The following TMEM183A variants were observed in gnomAD, a reference collection of about 807,000 sequenced individuals.
TMEM183A encodes transmembrane protein 183A, also known as chromosome 1 open reading frame 37.
In TMEM183A, 21 loss-of-function variants were observed where a neutral mutation model predicts 46.7. The observed-to-expected ratio is 0.45, with a 90% CI of 0.32 to 0.65. The LOEUF (loss-of-function observed/expected upper bound fraction) is 0.65, where lower values mean the gene tolerates loss of function less well. Among genes scored for constraint, TMEM183A ranks in the 30% least tolerant of loss-of-function variants. The pLI is 0.04. For missense variants in TMEM183A, 331 were observed against 481.9 expected (o/e 0.69, Z 2.93); for synonymous variants, 165 against 180.2 (o/e 0.92, Z 0.68).
intron 3 of TMEM183A, among the ~76,000 whole-genome samples, chr1:203,009,246 A>G (rs1019162996): frequency 1.3e-5 from 2 of 152,350 alleles, no homozygotes; most frequent in African/African-American, 2.4e-5. Context: ...AAACATAGAC[A>G]TTATCGTGGG....
At chr1:203,008,470 TTGTA>T (rs1656207927) in intron 2 of TMEM183A, among the ~76,000 whole-genome samples, 169 bp from the exon 3 acceptor site, 1 of 94,932 alleles carries the variant, frequency 1.1e-5, no homozygotes, top group Non-Finnish European at 2.4e-5. Flanking sequence ...TTTTTTTTTT[TTGTA>T]TTTAAAATAC....
At chr1:203,012,150 A>T (rs2796184) in intron 3 of TMEM183A, among the ~76,000 whole-genome samples, 5,473 of 41,544 alleles carry the variant, frequency 0.13, 430 homozygotes, top group Non-Finnish European at 0.17. Context: ...CCACTCCATC[A>T]CACACACACA....
At chr1:203,018,627 C>T in intron 6 of TMEM183A, 66 bp downstream of exon 6, 1 of 1,541,100 alleles carries the variant, frequency 6.5e-7, no homozygotes, top group Non-Finnish European at 8.9e-7. Flanking sequence ...AGATATCTTT[C>T]TTAGTCTGTT....
chr1:203,010,170 A>T (rs574769173), intron 3 of TMEM183A, among the ~76,000 whole-genome samples: 76 of 152,070 alleles, frequency 5.0e-4, no homozygotes, highest in African/African-American at 1.8e-3. Flanking sequence ...ATAGTAAATG[A>T]TGTATGTATT....
In TMEM183A at chr1:203,024,768, G is replaced by GCAGGAGT. The variant is rs1658051102; in HGVS notation, c.*1729_*1735dup. On this transcript the variant is annotated 3_prime_UTR_variant, in exon 8 of 8. Coordinates refer to ENST00000367242, the MANE Select transcript of TMEM183A (RefSeq NM_138391.6). ...TTGCCTGAACTAAAGATGCCATGGA[G>GCAGGAGT]CAGGAGTGTCTTGGTGCATTGTTCC... is the stretch of plus-strand genomic sequence containing the variant. 6.6e-6 allele frequency: 1 copy of GCAGGAGT among 152,218 alleles called. No homozygotes were observed. 9.4% of individuals were successfully genotyped at this position (152,218 alleles called of 1,614,324 possible).
intron 3 of TMEM183A, 109 bp downstream of exon 3, chr1:203,008,919 G>GT: frequency 3.3e-6 from 4 of 1,206,734 alleles, no homozygotes; most frequent in Non-Finnish European, 4.3e-6. Flanking sequence ...TACCAGGAGA[G>GT]TTTAAAGAAA....
At chr1:203,014,576 C>G (rs1031673970) in intron 3 of TMEM183A, among the ~76,000 whole-genome samples, 3 of 152,032 alleles carry the variant, frequency 2.0e-5, no homozygotes. Context: ...GCATTCTAGC[C>G]TGGGCACCAC....
At position 203,007,583 on chromosome 1, in the gene TMEM183A, G is replaced by A. The variant is rs746215832; in HGVS notation, c.109+9G>A. 9.7e-6 allele frequency: 15 copies of A among 1,541,266 alleles called. No homozygotes were observed. Among genetic ancestry groups the A allele is most frequent in the South Asian group, 4.7e-5 (4 of 84,934 alleles). The stretch of plus-strand genomic sequence containing the variant: ...CGCCTGCTCCGGCCGAGGTGGGCGA[G>A]GGGGGCAGGGGCGCTGAAACATTTT... On this transcript the variant is annotated intron_variant, in intron 1 of 7. Coordinates refer to ENST00000367242, the MANE Select transcript of TMEM183A (RefSeq NM_138391.6).
At position 203,007,592 on chromosome 1, in the gene TMEM183A, G is replaced by T; in HGVS notation, c.109+18G>T. ...CGGCCGAGGTGGGCGAGGGGGGCAG[G>T]GGCGCTGAAACATTTTGGGGGCTGG... On this transcript the variant is annotated intron_variant, in intron 1 of 7. Transcript: ENST00000367242. The T allele has an allele frequency of 2.6e-6, 4 of 1,539,506 alleles. No homozygotes were observed. Among genetic ancestry groups the T allele is most frequent in the South Asian group, 1.2e-5 (1 of 84,842 alleles).
chr1:203,017,737 C>T, intron 5 of TMEM183A: 2 of 985,822 alleles, frequency 2.0e-6, no homozygotes, highest in Non-Finnish European at 2.4e-6. Flanking sequence ...TATTTGATTC[C>T]CCCTCTCTCT....
intron 6 of TMEM183A, among the ~76,000 whole-genome samples, chr1:203,019,458 G>C (rs529559293): frequency 6.6e-6 from 1 of 152,126 alleles, no homozygotes; most frequent in East Asian, 1.9e-4. Context: ...TTTCTTATGG[G>C]TGATAATGAT....
chr1:203,015,601 G>A (rs1407967589), intron 4 of TMEM183A: 2 of 244,818 alleles, frequency 8.2e-6, no homozygotes, highest in African/African-American at 2.3e-5. Context: ...GTAGAAAGGA[G>A]TGGAGAACTC....
rs935553882 is a variant in TMEM183A, at chr1:203,022,708, A to C, written c.946-147A>C. 9 of 1,235,402 alleles carry C rather than the reference A, an allele frequency of 7.3e-6. No individual in the cohort carries two copies. In the African/African-American group the frequency reaches 1.1e-4, roughly 15 times the overall value. 76.5% of individuals were successfully genotyped at this position (1,235,402 alleles called of 1,614,324 possible). A position where few individuals can be genotyped will look rare whatever the true frequency, so the allele number is the denominator to read the frequency against. On this transcript the variant is annotated intron_variant, in intron 7 of 7. Coordinates refer to ENST00000367242, the MANE Select transcript of TMEM183A (RefSeq NM_138391.6). Reference sequence around the variant, plus strand: ...ACAGAACGAGGTCCTTTCTCAAAAAAAAAAAAAAAAGGTGTTTGTTTTATA... The same window carrying C: ...ACAGAACGAGGTCCTTTCTCAAAAACAAAAAAAAAAGGTGTTTGTTTTATA...
Position 203,020,395 on chromosome 1 carries a change from C to CT in TMEM183A, c.790-395dup, listed in dbSNP as rs200292929. 8.6e-3 allele frequency among the ~76,000 whole-genome samples: 1,308 copies of CT among 152,214 alleles called. 11 individuals are homozygous for CT. The highest frequency in any genetic ancestry group is 0.013 in the Non-Finnish European group (908 of 68,008). On this transcript the variant is annotated intron_variant, in intron 6 of 7. Coordinates refer to ENST00000367242, the MANE Select transcript of TMEM183A (RefSeq NM_138391.6). The stretch of plus-strand genomic sequence containing the variant: ...CCTTTAGTTCCGAGACTTGTGATTC[C>CT]TTTATTTTATGGTGTCTGGAATTAG...
In TMEM183A at chr1:203,017,886, C is replaced by T; in HGVS notation, c.709-595C>T. 3 of 986,218 alleles carry T rather than the reference C, an allele frequency of 3.0e-6. No homozygotes were observed. The African/African-American group carries it at 5.2e-5, about 17-fold the overall frequency. The allele number at this position is 986,218 out of a possible 1,614,324, so 61.1% of individuals were successfully genotyped here. ...CATGTCTGAAGGGCAGGACAGCTGG[C>T]ACGGCGGACGACCCACCCCTTATCC... On this transcript the variant is annotated intron_variant, in intron 5 of 7. Coordinates refer to ENST00000367242, the MANE Select transcript of TMEM183A (RefSeq NM_138391.6).
At chr1:203,015,243 G>A (rs541214440) in intron 4 of TMEM183A, 195 bp downstream of exon 4, 24 of 821,472 alleles carry the variant, frequency 2.9e-5, no homozygotes, top group East Asian at 8.3e-5. Flanking sequence ...ATTGTCTTCC[G>A]TGTGGTTGCC....
In TMEM183A at chr1:203,018,684, C is replaced by A. The variant is rs1310612437; in HGVS notation, c.789+123C>A. On this transcript the variant is annotated intron_variant, in intron 6 of 7. Coordinates refer to ENST00000367242, the MANE Select transcript of TMEM183A (RefSeq NM_138391.6). The stretch of plus-strand genomic sequence containing the variant: ...CAGATTCTGGGTAACTTAAAAAGAA[C>A]GAACTTTATTTCTTAACAGTTCTGG... The A allele has an allele frequency of 5.3e-6, 6 of 1,139,098 alleles. No homozygotes were observed. The African/African-American group carries it at 7.9e-5, about 15-fold the overall frequency. The allele number at this position is 1,139,098 out of a possible 1,614,324, so 70.6% of individuals were successfully genotyped here. A position where few individuals can be genotyped will look rare whatever the true frequency, so the allele number is the denominator to read the frequency against.
rs1347207229 is a variant in TMEM183A, at chr1:203,013,311, A to C, written c.368-1578A>C. On this transcript the variant is annotated intron_variant, in intron 3 of 7. Coordinates refer to ENST00000367242, the MANE Select transcript of TMEM183A (RefSeq NM_138391.6). The surrounding 1 kb of genome is among the most constrained non-coding windows in gnomAD (Gnocchi z 4.0). ...GGGGCTTTTTCCCCAGGAAGGAAGAAAGCTGGTCATTTTAGGATAGTTCTA... is the reference window on the plus strand; with the variant it reads ...GGGGCTTTTTCCCCAGGAAGGAAGACAGCTGGTCATTTTAGGATAGTTCTA... 1.3e-5 allele frequency among the ~76,000 whole-genome samples: 2 copies of C among 152,164 alleles called. No homozygotes were observed. Among genetic ancestry groups the C allele is most frequent in the African/African-American group, 4.8e-5 (2 of 41,432 alleles).
chr1:203,008,509 C>T, intron 2 of TMEM183A, 134 bp from the exon 3 acceptor site: 1 of 545,444 alleles, frequency 1.8e-6, no homozygotes, highest in Non-Finnish European at 2.6e-6. Flanking sequence ...TTTTTGGTGA[C>T]AGATTCTCAC....
Sources: gnomAD v4.1 joint callset for allele counts (sites outside exome capture counted in the v4.1 genomes callset) on GRCh38, gnomAD v4.1.1 for gene constraint, Gnocchi (gnomAD v3.1) non-coding constraint, MANE v1.5 for transcripts, NCBI Gene and HGNC (gene_info 2026-07-23, HGNC 2026-07-21) for gene names.